Variants in TATDN1 observed in about 807,000 individuals in gnomAD.
TATDN1 encodes the protein deoxyribonuclease TATDN1.
A neutral mutation model predicts 46.4 loss-of-function variants in TATDN1; 40 were observed. The ratio of observed to expected loss-of-function variants is 0.86; its 90% confidence interval spans 0.67 to 1.12. TATDN1 has a LOEUF of 1.12. Ranked by LOEUF, TATDN1 falls within the 50% of genes most tolerant of loss-of-function variation. The probability of loss-of-function intolerance (pLI) is 0.00; values close to 1 mark genes in which losing one functional copy is unlikely to be tolerated. For missense variants in TATDN1, 326 were observed against 348.4 expected (o/e 0.94, Z 0.51); for synonymous variants, 95 against 105.6 (o/e 0.90, Z 0.62).
At chr8:124,495,381 C>A in intron 10 of TATDN1, 91 bp downstream of exon 10, 2 of 901,732 alleles carry the variant, frequency 2.2e-6, no homozygotes, top group South Asian at 3.1e-5. Flanking sequence ...AATACTTGTT[C>A]ACTTAAAGTT....
chr8:124,511,870 T>A (rs1819051389), intron 6 of TATDN1, among the ~76,000 whole-genome samples: 1 of 152,164 alleles, frequency 6.6e-6, no homozygotes, highest in Admixed American at 6.6e-5. Context: ...GTGCCTTATG[T>A]TAAGAAAGGT....
chr8:124,509,909 A>G (rs1818854755), intron 6 of TATDN1, among the ~76,000 whole-genome samples: 1 of 151,866 alleles, frequency 6.6e-6, no homozygotes, highest in Admixed American at 6.6e-5. Context: ...ATGTTGGCAC[A>G]TGCCTGTAAT....
At chr8:124,524,826 T>C (rs1166713477) in intron 1 of TATDN1, among the ~76,000 whole-genome samples, 5 of 152,074 alleles carry the variant, frequency 3.3e-5, no homozygotes, top group Admixed American at 6.6e-5. Flanking sequence ...TGAGGGAAGA[T>C]TCTGGGTTTA....
At chr8:124,535,399 C>T (rs1233164224) in intron 1 of TATDN1, among the ~76,000 whole-genome samples, 2 of 152,110 alleles carry the variant, frequency 1.3e-5, no homozygotes, top group Non-Finnish European at 2.9e-5. Context: ...GTTTGCAAAC[C>T]TCTGCACTTG....
chr8:124,498,112 G>C (rs140620747), intron 9 of TATDN1, among the ~76,000 whole-genome samples: 162 of 151,958 alleles, frequency 1.1e-3, no homozygotes, highest in Non-Finnish European at 2.0e-3. Flanking sequence ...TCATGCTTCT[G>C]GTTCACCTCA....
At chr8:124,525,545 T>A (rs1820413776) in intron 1 of TATDN1, among the ~76,000 whole-genome samples, 1 of 152,180 alleles carries the variant, frequency 6.6e-6, no homozygotes, top group Non-Finnish European at 1.5e-5. Context: ...GTTTTCTCAC[T>A]AGTAGGGTGG....
intron 1 of TATDN1, among the ~76,000 whole-genome samples, chr8:124,534,416 G>A (rs1295201101): frequency 6.6e-6 from 1 of 152,130 alleles, no homozygotes; most frequent in Non-Finnish European, 1.5e-5. Context: ...GACAAGGTGT[G>A]AGATAGGAAA....
chr8:124,538,232 A>ATTTCTCTCTCT (rs1244913870), intron 1 of TATDN1: 1 of 152,002 alleles, frequency 6.6e-6, no homozygotes, highest in African/African-American at 2.4e-5. Context: ...CATCTCTTCC[A>ATTTCTCTCTCT]TTTCTCTCTC....
At chr8:124,490,040 AC>A (rs1366650950) in intron 11 of TATDN1, 3 of 152,248 alleles carry the variant, frequency 2.0e-5, no homozygotes, top group African/African-American at 7.2e-5. Flanking sequence ...AAATCTATTA[AC>A]ATTTAAATTA....
intron 1 of TATDN1, among the ~76,000 whole-genome samples, chr8:124,532,085 GGGAGGA>G (rs558567492): frequency 9.9e-5 from 15 of 151,748 alleles, no homozygotes; most frequent in African/African-American, 2.4e-4. Flanking sequence ...GAGCAAGGGG[GGGAGGA>G]GGAGGAGGAG....
chr8:124,534,922 T>C, intron 1 of TATDN1, among the ~76,000 whole-genome samples: 1 of 152,188 alleles, frequency 6.6e-6, no homozygotes, highest in East Asian at 1.9e-4. Flanking sequence ...TACCCATTCA[T>C]TGTAAAAAGA....
rs151038199 is a variant in TATDN1, at chr8:124,493,765, G to A, written c.791+68C>T. On this transcript the variant is annotated intron_variant, in intron 11 of 11. Transcript: ENST00000276692. The stretch of plus-strand genomic sequence containing the variant: ...GCAAAATTTTAATTCTGTCCCTTGC[G>A]TTAATTTTATAAGTGGCATCTGGTG... The A allele has an allele frequency of 1.4e-4, 214 of 1,520,998 alleles. No individual in the cohort carries two copies. The African/African-American group carries it at 2.0e-3, about 14-fold the overall frequency. 94.2% of individuals were successfully genotyped at this position (1,520,998 alleles called of 1,614,324 possible).
At chr8:124,524,556 T>A (rs985224503) in intron 1 of TATDN1, among the ~76,000 whole-genome samples, 3 of 152,126 alleles carry the variant, frequency 2.0e-5, no homozygotes, top group Non-Finnish European at 4.4e-5. Flanking sequence ...TCATCACTGA[T>A]CATTAGGAAA....
rs560183654 is a variant in TATDN1 at position 124,488,599 on chromosome 8, T to A, written c.889A>T (p.Ile297Leu). ...NNTIKVFFPG[I>L] The stretch of plus-strand genomic sequence containing the variant: ...AAGTGGAAGACATATACCAATTATA[T>A]TCCAGGAAAAAATACTTTAATAGTA... The change falls in exon 12 of 12, where the codon ATA (isoleucine) becomes TTA (leucine). Residue 297 changes from isoleucine to leucine, a missense_variant. Coordinates refer to ENST00000276692, the MANE Select transcript of TATDN1 (RefSeq NM_032026.4). 36 of 1,494,626 alleles carry A rather than the reference T, an allele frequency of 2.4e-5. No individual in the cohort carries two copies. In the South Asian group the frequency reaches 3.6e-4, roughly 15 times the overall value. 92.6% of individuals were successfully genotyped at this position (1,494,626 alleles called of 1,614,324 possible).
chr8:124,530,869 G>A (rs900927210), intron 1 of TATDN1, among the ~76,000 whole-genome samples: 10 of 152,158 alleles, frequency 6.6e-5, no homozygotes, highest in Admixed American at 6.5e-4. Context: ...CTTTTTCTGG[G>A]TCTAAAGATG....
At chr8:124,498,569 T>C (rs1455615007) in intron 9 of TATDN1, among the ~76,000 whole-genome samples, 2 of 152,118 alleles carry the variant, frequency 1.3e-5, no homozygotes, top group Admixed American at 6.5e-5. Context: ...AGCCCCCCTA[T>C]TGGATTTTGC....
At chr8:124,536,327 G>A (rs1821425506) in intron 1 of TATDN1, among the ~76,000 whole-genome samples, 1 of 152,164 alleles carries the variant, frequency 6.6e-6, no homozygotes, top group African/African-American at 2.4e-5. Flanking sequence ...GAGGTGGAAG[G>A]ACTGCTTAAG....
rs1399458301 is a variant in TATDN1, at chr8:124,539,008, GAAAACGCTCCTCTTACCGAT to G, written c.19_22+16del. On this transcript the variant is annotated splice_donor_variant and splice_donor_5th_base_variant and coding_sequence_variant and intron_variant, in exon 1 of 12. Coordinates refer to ENST00000276692, the MANE Select transcript of TATDN1 (RefSeq NM_032026.4). LOFTEE classifies it high-confidence loss of function. ...CAAGTCAGAAAGACCCAAGGGCGTG[GAAAACGCTCCTCTTACCGAT>G]AAACTTGAAGCGACTCATGACTGCG... is the stretch of plus-strand genomic sequence containing the variant. The G allele has an allele frequency of 6.2e-7, 1 of 1,611,992 alleles. No homozygotes were observed. The highest frequency in any genetic ancestry group is 8.5e-7 in the Non-Finnish European group (1 of 1,178,992).
At chr8:124,531,686 G>A (rs1165221335) in intron 1 of TATDN1, among the ~76,000 whole-genome samples, 1 of 152,178 alleles carries the variant, frequency 6.6e-6, no homozygotes, top group Non-Finnish European at 1.5e-5. Context: ...ATGAAATCAA[G>A]TTGTCACATG....
Sources: gnomAD v4.1 joint callset for allele counts (sites outside exome capture counted in the v4.1 genomes callset) on GRCh38, gnomAD v4.1.1 for gene constraint, MANE v1.5 for transcripts, NCBI Gene and HGNC (gene_info 2026-07-23, HGNC 2026-07-21) for gene names.